Variants in KCNB2 observed in about 807,000 individuals in gnomAD.
KCNB2 encodes delayed rectifier potassium channel protein.
Under a neutral mutation model 61.5 loss-of-function variants are expected in KCNB2, and 15 were observed. That is an observed-to-expected ratio of 0.24 (90% confidence interval 0.16 to 0.38). The LOEUF (loss-of-function observed/expected upper bound fraction) is 0.38, where lower values mean the gene tolerates loss of function less well. Ranked by LOEUF, KCNB2 falls within the 10% of genes least tolerant of loss-of-function variation. The pLI is 1.00. For missense variants in KCNB2, 828 were observed against 1,125.2 expected (o/e 0.74, Z 3.78); for synonymous variants, 457 against 446.0 (o/e 1.02, Z -0.31).
At chr8:72,592,184 T>A (rs1807109416) in intron 2 of KCNB2, among the ~76,000 whole-genome samples, 2 of 152,190 alleles carry the variant, frequency 1.3e-5, no homozygotes, top group African/African-American at 4.8e-5. Context: ...CTTCTCTGTT[T>A]CATGATAAGG....
At chr8:72,610,834 T>C (rs1805525829) in intron 2 of KCNB2, among the ~76,000 whole-genome samples, 1 of 152,142 alleles carries the variant, frequency 6.6e-6, no homozygotes, top group Admixed American at 6.6e-5. Context: ...ATTAAAAACA[T>C]ATAAAAGCAA....
chr8:72,915,283 G>T (rs1806373097), intron 2 of KCNB2, among the ~76,000 whole-genome samples: 1 of 152,146 alleles, frequency 6.6e-6, no homozygotes, highest in African/African-American at 2.4e-5. Flanking sequence ...AAGGACAATG[G>T]AAAGCACCCT....
At chr8:72,760,558 A>C (rs546090032) in intron 2 of KCNB2, among the ~76,000 whole-genome samples, 3 of 152,306 alleles carry the variant, frequency 2.0e-5, no homozygotes, top group East Asian at 3.9e-4. Flanking sequence ...CTACTAAATC[A>C]GAAACACATG....
intron 2 of KCNB2, among the ~76,000 whole-genome samples, chr8:72,785,208 A>T (rs1391281436): frequency 6.6e-6 from 1 of 152,188 alleles, no homozygotes; most frequent in Admixed American, 6.6e-5. Context: ...TAATTACACC[A>T]AACATTGGAT....
chr8:72,862,633 T>A (rs1453412443), intron 2 of KCNB2, among the ~76,000 whole-genome samples: 1 of 152,190 alleles, frequency 6.6e-6, no homozygotes, highest in Non-Finnish European at 1.5e-5. Context: ...TCCTCACCTA[T>A]GAAAAGGGGG....
At chr8:72,685,612 G>A (rs1227009030) in intron 2 of KCNB2, among the ~76,000 whole-genome samples, 1 of 152,154 alleles carries the variant, frequency 6.6e-6, no homozygotes, top group Non-Finnish European at 1.5e-5. Flanking sequence ...TAACATAGAA[G>A]AGGAATGTTG....
intron 2 of KCNB2, among the ~76,000 whole-genome samples, chr8:72,680,405 G>A (rs1188986284): frequency 6.6e-6 from 1 of 152,158 alleles, no homozygotes; most frequent in African/African-American, 2.4e-5. Flanking sequence ...TGACACAATT[G>A]CAATTCATTA....
In KCNB2 at chr8:72,743,532, G is replaced by A. The variant is rs569558339; in HGVS notation, c.579+175219G>A. Among the ~76,000 whole-genome samples, 191 of 152,258 alleles carry A rather than the reference G, an allele frequency of 1.3e-3. 1 individual carries two copies. Among genetic ancestry groups the A allele is most frequent in the Admixed American group, 3.5e-3 (54 of 15,292 alleles). On this transcript the variant is annotated intron_variant, in intron 2 of 2. Coordinates refer to ENST00000523207, the MANE Select transcript of KCNB2 (RefSeq NM_004770.3). ...ATTGGATGGCAGTTTAAAAGGGATC[G>A]CAGCTAGTTAAATTTAGGGTGTTGA...
At chr8:72,768,989 C>T (rs189818098) in intron 2 of KCNB2, among the ~76,000 whole-genome samples, 195 of 151,944 alleles carry the variant, frequency 1.3e-3, no homozygotes, top group African/African-American at 4.1e-3. Context: ...GGAGAAACCC[C>T]GTCTCTACTA....
intron 2 of KCNB2, among the ~76,000 whole-genome samples, chr8:72,776,771 A>C (rs773687327): frequency 2.0e-5 from 3 of 152,144 alleles, no homozygotes; most frequent in Non-Finnish European, 4.4e-5. Context: ...AGTTAGTTGT[A>C]GGTTGTGGCA....
intron 2 of KCNB2, among the ~76,000 whole-genome samples, chr8:72,681,894 G>A (rs773658678): frequency 1.3e-5 from 2 of 152,154 alleles, no homozygotes; most frequent in Non-Finnish European, 2.9e-5. Flanking sequence ...GCTCTGTTAT[G>A]CACCACATGA....
chr8:72,857,010 C>A (rs2129003740), intron 2 of KCNB2, among the ~76,000 whole-genome samples: 1 of 152,298 alleles, frequency 6.6e-6, no homozygotes, highest in East Asian at 1.9e-4. Context: ...GACTATTCAG[C>A]CTTTGCATCT....
At chr8:72,617,207 C>A (rs2128983878) in intron 2 of KCNB2, among the ~76,000 whole-genome samples, 1 of 152,276 alleles carries the variant, frequency 6.6e-6, no homozygotes, top group Middle Eastern at 3.4e-3. Context: ...CTGCCTGAAA[C>A]CTGTATACTA....
chr8:72,830,286 GAGA>G (rs1809672251), intron 2 of KCNB2, among the ~76,000 whole-genome samples: 1 of 148,100 alleles, frequency 6.8e-6, no homozygotes, highest in Non-Finnish European at 1.5e-5. Flanking sequence ...GAGAGAAGGA[GAGA>G]AGGAGACCTC....
intron 2 of KCNB2, among the ~76,000 whole-genome samples, chr8:72,643,998 T>C (rs746290993): frequency 2.3e-4 from 35 of 152,152 alleles, no homozygotes; most frequent in Non-Finnish European, 4.1e-4. Context: ...GTTATAGTGC[T>C]TTGCAACATC....
intron 2 of KCNB2, among the ~76,000 whole-genome samples, chr8:72,693,250 T>G (rs1301297430): frequency 2.0e-5 from 3 of 152,186 alleles, no homozygotes; most frequent in East Asian, 1.9e-4. Context: ...GGGCAGGGCT[T>G]GGGAGCATGA....
At chr8:72,770,706 A>G (rs1276870017) in intron 2 of KCNB2, among the ~76,000 whole-genome samples, 1 of 152,226 alleles carries the variant, frequency 6.6e-6, no homozygotes, top group East Asian at 1.9e-4. Context: ...TCCATGTAAA[A>G]GGCTTTGCTA....
chr8:72,664,770 T>C (rs1806439463), intron 2 of KCNB2, among the ~76,000 whole-genome samples: 1 of 151,992 alleles, frequency 6.6e-6, no homozygotes, highest in Non-Finnish European at 1.5e-5. Flanking sequence ...ACAAAGTAAA[T>C]AAGTAAAATC....
chr8:72,703,987 A>G lies in KCNB2; in HGVS notation c.579+135674A>G, dbSNP rs1035609105. Among the ~76,000 whole-genome samples, 5 of 152,220 alleles carry G rather than the reference A, an allele frequency of 3.3e-5. 1 individual carries two copies. The highest frequency in any genetic ancestry group is 2.0e-4 in the Admixed American group (3 of 15,278). On this transcript the variant is annotated intron_variant, in intron 2 of 2. Transcript: ENST00000523207. ...CATAGTAGATGAAGTTCACAGAACTAGAACCAAAGCTGATGTCTGCATTTG... is the reference window on the plus strand; with the variant it reads ...CATAGTAGATGAAGTTCACAGAACTGGAACCAAAGCTGATGTCTGCATTTG...
Sources: gnomAD v4.1 joint callset for allele counts (sites outside exome capture counted in the v4.1 genomes callset) on GRCh38, gnomAD v4.1.1 for gene constraint, MANE v1.5 for transcripts, NCBI Gene and HGNC (gene_info 2026-07-23, HGNC 2026-07-21) for gene names.